The following PCDHGB2 variants were observed in gnomAD, a reference collection of about 807,000 sequenced individuals.
The protein encoded by PCDHGB2 is protocadherin gamma-B2.
A neutral mutation model predicts 59.3 loss-of-function variants in PCDHGB2; 55 were observed. The observed-to-expected ratio is 0.93, with a 90% CI of 0.75 to 1.16. The LOEUF (loss-of-function observed/expected upper bound fraction) is 1.16. PCDHGB2 is among the 50% of genes most tolerant of loss of function. The probability of loss-of-function intolerance (pLI) is 0.00; values close to 1 mark genes in which losing one functional copy is unlikely to be tolerated. For synonymous variants in PCDHGB2, 516 were observed against 512.0 expected (o/e 1.01, Z -0.11); for missense variants, 1,228 against 1,198.5 (o/e 1.02, Z -0.36).
intron 1 of PCDHGB2, among the ~76,000 whole-genome samples, chr5:141,472,590 C>T (rs1161871973): frequency 6.6e-6 from 1 of 151,908 alleles, no homozygotes; most frequent in Non-Finnish European, 1.5e-5. Flanking sequence ...GTCAGAAGCT[C>T]TCTTGAAATT....
At chr5:141,374,518 C>G (rs766036470) in intron 1 of PCDHGB2, 9 of 1,612,422 alleles carry the variant, frequency 5.6e-6, no homozygotes, top group African/African-American at 1.3e-5. Flanking sequence ...TTCTCGAAAA[C>G]GCAGCTCCAT....
At chr5:141,382,317 GTAAA>G (rs1482634443) in intron 1 of PCDHGB2, among the ~76,000 whole-genome samples, 1 of 152,160 alleles carries the variant, frequency 6.6e-6, no homozygotes, top group Non-Finnish European at 1.5e-5. Flanking sequence ...ATACACTGAT[GTAAA>G]TATTTTCTAA....
rs748594092 is a variant in PCDHGB2 at position 141,361,540 on chromosome 5, G to T, written c.1405G>T (p.Ala469Ser). The T allele has an allele frequency of 6.2e-7, 1 of 1,614,018 alleles. No homozygotes were observed. The highest frequency in any genetic ancestry group is 8.5e-7 in the Non-Finnish European group (1 of 1,179,894). ...VHVAENNPPG[A>S]SIAQISASDP... ...CGTGGCAGAGAACAATCCTCCTGGC[G>T]CCTCTATCGCTCAAATCAGTGCCTC... Residue 469 changes from alanine (A) to serine (S), a missense_variant, in exon 1 of 4, where the codon GCC becomes TCC. Physicochemically the swap from Ala to Ser is moderately conservative, Grantham distance 99 (BLOSUM62 1). Coordinates refer to ENST00000522605, the MANE Select transcript of PCDHGB2 (RefSeq NM_018923.3).
chr5:141,383,197 G>C lies in PCDHGB2; in HGVS notation c.2421+20641G>C, dbSNP rs184479480. ...CCGGGAAGAGATCTGCGCTCAGAGTGCGCGGTGTCTGGTAAACTTTAACAT... is the reference window on the plus strand; with the variant it reads ...CCGGGAAGAGATCTGCGCTCAGAGTCCGCGGTGTCTGGTAAACTTTAACAT... On this transcript the variant is annotated intron_variant, in intron 1 of 3. Transcript: ENST00000522605. 7.4e-4 allele frequency: 1,202 copies of C among 1,614,034 alleles called. 10 individuals are homozygous for C. The African/African-American group carries it at 0.015, about 20-fold the overall frequency.
chr5:141,384,852 G>A, intron 1 of PCDHGB2: 1 of 1,613,646 alleles, frequency 6.2e-7, no homozygotes, highest in Non-Finnish European at 8.5e-7. Context: ...ACCACGGTCA[G>A]CCTCCTCTGT....
intron 1 of PCDHGB2, chr5:141,382,845 C>T: frequency 6.8e-7 from 1 of 1,475,804 alleles, no homozygotes; most frequent in African/African-American, 1.4e-5. Context: ...CGGATACACC[C>T]GCATTCTGAA....
At chr5:141,507,558 G>A (rs573728108) in intron 3 of PCDHGB2, among the ~76,000 whole-genome samples, 57 of 152,346 alleles carry the variant, frequency 3.7e-4, no homozygotes, top group African/African-American at 1.3e-3. Context: ...AGTGGCAGGC[G>A]GCTGGGTCTG....
intron 1 of PCDHGB2, among the ~76,000 whole-genome samples, chr5:141,470,814 A>T (rs1170059292): frequency 2.6e-5 from 4 of 152,006 alleles, no homozygotes; most frequent in Admixed American, 6.5e-5. Context: ...CAGCCTTCTG[A>T]GTAGTTAGGA....
intron 1 of PCDHGB2, among the ~76,000 whole-genome samples, chr5:141,437,556 T>C (rs1427506223): frequency 6.6e-6 from 1 of 152,228 alleles, no homozygotes; most frequent in African/African-American, 2.4e-5. Context: ...CTTTATGACA[T>C]GTAACAGAGT....
rs1768012358 is a variant in PCDHGB2 at position 141,371,760 on chromosome 5, T to G, written c.2421+9204T>G. ...CAACGTTCCCGTTTTCCACCAGGCC[T>G]CCTACACCGTGCATGTAGCTGAGAA... On this transcript the variant is annotated intron_variant, in intron 1 of 3. Coordinates refer to ENST00000522605, the MANE Select transcript of PCDHGB2 (RefSeq NM_018923.3). 3 of 1,613,860 alleles carry G rather than the reference T, an allele frequency of 1.9e-6. No individual in the cohort carries two copies. The South Asian group carries it at 3.3e-5, about 18-fold the overall frequency.
intron 1 of PCDHGB2, chr5:141,413,082 A>G: frequency 7.4e-7 from 1 of 1,344,446 alleles, no homozygotes; most frequent in African/African-American, 1.5e-5. Context: ...CCCAGGCTAC[A>G]GAGACACCCT....
intron 1 of PCDHGB2, chr5:141,419,253 A>C (rs1590154657): frequency 6.2e-7 from 1 of 1,613,990 alleles, no homozygotes; most frequent in South Asian, 1.1e-5. Context: ...CCAGAAAACA[A>C]CCAGCCGGGT....
In PCDHGB2 at chr5:141,432,976, C is replaced by T; in HGVS notation, c.2422-61831C>T. 1 of 1,614,210 alleles carries T rather than the reference C, an allele frequency of 6.2e-7. No individual in the cohort carries two copies. On this transcript the variant is annotated intron_variant, in intron 1 of 3. Transcript: ENST00000522605. The surrounding 1 kb of genome is among the most constrained non-coding windows in gnomAD (Gnocchi z 6.0). Reference sequence around the variant, plus strand: ...GCTTGACAGGAGCGCCGGCGTCGCACTTTGTGGGCGTGGACGGGGTGCAGG... The same window carrying T: ...GCTTGACAGGAGCGCCGGCGTCGCATTTTGTGGGCGTGGACGGGGTGCAGG...
At position 141,477,938 on chromosome 5, in the gene PCDHGB2, T is replaced by C. The variant is rs1441443411; in HGVS notation, c.2422-16869T>C. The stretch of plus-strand genomic sequence containing the variant: ...TGCAGGGCACAATGCCTGGCTCTCC[T>C]ACAGTCTCTTGGGATCCCCTAACCA... On this transcript the variant is annotated intron_variant, in intron 1 of 3. Transcript: ENST00000522605. The surrounding 1 kb of genome is among the most constrained non-coding windows in gnomAD (Gnocchi z 4.9). The C allele has an allele frequency of 3.1e-6, 5 of 1,614,036 alleles. No homozygotes were observed. The highest frequency in any genetic ancestry group is 4.2e-6 in the Non-Finnish European group (5 of 1,180,030).
chr5:141,507,691 A>G (rs777728143), intron 3 of PCDHGB2, among the ~76,000 whole-genome samples: 72 of 152,198 alleles, frequency 4.7e-4, no homozygotes, highest in Non-Finnish European at 6.8e-4. Context: ...CAGAAATGAA[A>G]TCAGTATTTA....
intron 2 of PCDHGB2, 91 bp from the exon 3 acceptor site, chr5:141,505,302 G>C: frequency 6.3e-7 from 1 of 1,592,714 alleles, no homozygotes. Context: ...TAGGGTTAGG[G>C]TACTAGGTTT....
At chr5:141,364,869 T>G (rs1187168738) in intron 1 of PCDHGB2, 1 of 1,613,998 alleles carries the variant, frequency 6.2e-7, no homozygotes, top group East Asian at 2.2e-5. Flanking sequence ...CACTTCTCTC[T>G]GGATGTGGTA....
At chr5:141,388,800 G>A (rs1193679536) in intron 1 of PCDHGB2, 6 of 1,613,896 alleles carry the variant, frequency 3.7e-6, no homozygotes, top group Non-Finnish European at 5.1e-6. Context: ...AAATACATTA[G>A]ATTTTGAAGA....
At chr5:141,395,078 G>T (rs756312673) in intron 1 of PCDHGB2, 3 of 1,614,126 alleles carry the variant, frequency 1.9e-6, no homozygotes, top group South Asian at 1.1e-5. Context: ...CCTATTCCCA[G>T]GAAGTCTCCC....
Sources: gnomAD v4.1 joint callset for allele counts (sites outside exome capture counted in the v4.1 genomes callset) on GRCh38, gnomAD v4.1.1 for gene constraint, Gnocchi (gnomAD v3.1) non-coding constraint, MANE v1.5 for transcripts, NCBI Gene and HGNC (gene_info 2026-07-23, HGNC 2026-07-21) for gene names.